TBL1X: variants seen among roughly 807,000 people sequenced by gnomAD.
TBL1X encodes the protein transducin beta like 1 X-linked, also known as F-box-like/WD repeat-containing protein TBL1X.
A neutral mutation model predicts 50.7 loss-of-function variants in TBL1X; 10 were observed. That is an observed-to-expected ratio of 0.20 (90% CI 0.12 to 0.33). The LOEUF (loss-of-function observed/expected upper bound fraction) is 0.33. Among genes scored for constraint, TBL1X ranks in the 10% least tolerant of loss-of-function variants. TBL1X has a pLI of 1.00. For synonymous variants in TBL1X, 190 were observed against 214.7 expected, an observed-to-expected ratio of 0.88 and a Z score of 1.01; for missense variants, 340 against 504.4, an observed-to-expected ratio of 0.67 and a Z score of 3.12.
intron 3 of TBL1X, among the ~76,000 whole-genome samples, chrX:9,641,885 T>C (rs980328531): frequency 2.7e-5 from 3 of 112,096 alleles, no homozygotes; most frequent in Non-Finnish European, 5.6e-5. Flanking sequence ...TATTTCCCTT[T>C]TGGTTATTAT....
chrX:9,560,844 T>A (rs1264118155), intron 2 of TBL1X, among the ~76,000 whole-genome samples: 1 of 111,776 alleles, frequency 8.9e-6, no homozygotes, highest in East Asian at 2.8e-4. Flanking sequence ...TGTCGACAGA[T>A]GACACCTGCA....
intron 2 of TBL1X, among the ~76,000 whole-genome samples, chrX:9,572,997 T>C (rs980146572): frequency 8.9e-6 from 1 of 112,814 alleles, no homozygotes; most frequent in Non-Finnish European, 1.9e-5. Flanking sequence ...GTTGGCATTT[T>C]AAAGTCCTTT....
intron 5 of TBL1X, among the ~76,000 whole-genome samples, chrX:9,654,617 C>T (rs910806595): frequency 1.8e-5 from 2 of 111,328 alleles, no homozygotes; most frequent in African/African-American, 3.3e-5. Context: ...GCCTCCACCT[C>T]GGCGAGGGCA....
chrX:9,514,695 C>G (rs1286280309), intron 2 of TBL1X, among the ~76,000 whole-genome samples: 1 of 112,285 alleles, frequency 8.9e-6, no homozygotes, highest in Non-Finnish European at 1.9e-5. Flanking sequence ...CTCACAGGAT[C>G]ATAGAGCAGG....
chrX:9,631,774 A>G (rs748706241), intron 2 of TBL1X, among the ~76,000 whole-genome samples: 2 of 112,855 alleles, frequency 1.8e-5, no homozygotes, highest in Non-Finnish European at 3.7e-5. Flanking sequence ...AAATATTTTT[A>G]TGTTTATATT....
At chrX:9,653,417 C>T (rs991137237) in intron 3 of TBL1X, 128 bp from the exon 4 acceptor site, 3 of 445,424 alleles carry the variant, frequency 6.7e-6, no homozygotes, top group Middle Eastern at 4.5e-4. Context: ...CCTGCCCATC[C>T]TCCCTCCCCA....
intron 2 of TBL1X, among the ~76,000 whole-genome samples, chrX:9,568,228 G>C (rs752957857): frequency 9.0e-6 from 1 of 111,332 alleles, no homozygotes; most frequent in African/African-American, 3.3e-5. Flanking sequence ...GTGTGTGTCT[G>C]TGCAACGTGC....
intron 2 of TBL1X, among the ~76,000 whole-genome samples, chrX:9,582,374 T>G (rs769968594): frequency 8.9e-6 from 1 of 112,500 alleles, no homozygotes; most frequent in South Asian, 3.7e-4. Context: ...AACAGTAGTA[T>G]TTTAAACATG....
intron 9 of TBL1X, 99 bp downstream of exon 9, chrX:9,692,353 A>G: frequency 1.9e-6 from 2 of 1,057,290 alleles, no homozygotes; most frequent in Non-Finnish European, 2.5e-6. Flanking sequence ...CATAGGAGGC[A>G]GGTGGTCCTG....
intron 16 of TBL1X, 130 bp downstream of exon 16, chrX:9,711,906 G>A: frequency 1.4e-6 from 1 of 716,910 alleles, no homozygotes; most frequent in Non-Finnish European, 1.9e-6. Flanking sequence ...GGCAGACCCA[G>A]TGGATGCTGT....
chrX:9,618,162 G>A (rs987595363), intron 2 of TBL1X, among the ~76,000 whole-genome samples: 4 of 111,585 alleles, frequency 3.6e-5, no homozygotes, highest in African/African-American at 9.8e-5. Flanking sequence ...GGGAGGCGGC[G>A]TCTGACATGT....
At chrX:9,543,860 A>G (rs905756497) in intron 2 of TBL1X, among the ~76,000 whole-genome samples, 1 of 111,897 alleles carries the variant, frequency 8.9e-6, no homozygotes, top group Non-Finnish European at 1.9e-5. Flanking sequence ...TACTCTCCAC[A>G]TATGGAGCAG....
intron 5 of TBL1X, among the ~76,000 whole-genome samples, chrX:9,655,077 T>C (rs1364353779): frequency 8.9e-6 from 1 of 111,800 alleles, no homozygotes; most frequent in Non-Finnish European, 1.9e-5. Flanking sequence ...TCGATGATGA[T>C]GACCCTGGTG....
intron 2 of TBL1X, among the ~76,000 whole-genome samples, chrX:9,576,695 TAAAA>T (rs146596930): frequency 5.5e-5 from 4 of 72,407 alleles, no homozygotes; most frequent in African/African-American, 1.1e-4. Context: ...AGCACTACAT[TAAAA>T]AAAAAAAAAA....
At chrX:9,607,037 C>G (rs2146554235) in intron 2 of TBL1X, among the ~76,000 whole-genome samples, 1 of 112,608 alleles carries the variant, frequency 8.9e-6, no homozygotes, top group African/African-American at 3.2e-5. Context: ...AGAGTTTTCC[C>G]TTTTACTCAG....
chrX:9,685,535 A>G (rs778895008), intron 6 of TBL1X, among the ~76,000 whole-genome samples: 2 of 109,731 alleles, frequency 1.8e-5, no homozygotes, highest in South Asian at 7.9e-4. Flanking sequence ...ACTTTTCCAT[A>G]CTGTACCGTC....
intron 5 of TBL1X, among the ~76,000 whole-genome samples, chrX:9,661,201 A>G (rs1320728082): frequency 1.8e-5 from 2 of 112,781 alleles, no homozygotes; most frequent in Non-Finnish European, 3.7e-5. Flanking sequence ...AATATAACTT[A>G]GTGACATTTG....
intron 6 of TBL1X, among the ~76,000 whole-genome samples, chrX:9,687,126 G>A (rs986266371): frequency 8.9e-6 from 1 of 112,197 alleles, no homozygotes. Flanking sequence ...CACCTGATTC[G>A]AATATCTGGC....
At chrX:9,657,859 T>G (rs1359417169) in intron 5 of TBL1X, among the ~76,000 whole-genome samples, 3 of 112,003 alleles carry the variant, frequency 2.7e-5, no homozygotes, top group Non-Finnish European at 5.6e-5. Flanking sequence ...CAAAATGGAT[T>G]TGTTGGTTTT....
Sources: gnomAD v4.1 joint callset for allele counts (sites outside exome capture counted in the v4.1 genomes callset) on GRCh38, gnomAD v4.1.1 for gene constraint, MANE v1.5 for transcripts, NCBI Gene and HGNC (gene_info 2026-07-23, HGNC 2026-07-21) for gene names.